FAT3: variants seen among roughly 807,000 people sequenced by gnomAD.
FAT3 encodes the protein FAT atypical cadherin 3.
In FAT3, 95 loss-of-function variants were observed where a neutral mutation model predicts 310.2. The ratio of observed to expected loss-of-function variants is 0.31; its 90% confidence interval spans 0.26 to 0.36. FAT3 has a LOEUF of 0.36. Ranked by LOEUF, FAT3 falls within the 10% of genes least tolerant of loss-of-function variation. The pLI, the probability that FAT3 is intolerant of heterozygous loss-of-function variation, is 1.00. For synonymous variants in FAT3, 2,314 were observed against 2,192.9 expected (o/e 1.06, Z -1.54); for missense variants, 5,408 against 5,715.6 (o/e 0.95, Z 1.74).
At chr11:92,538,136 G>C (rs1954320906) in intron 3 of FAT3, among the ~76,000 whole-genome samples, 1 of 152,062 alleles carries the variant, frequency 6.6e-6, no homozygotes, top group African/African-American at 2.4e-5. Flanking sequence ...GATATTTGCT[G>C]GTTTAAATGT....
At chr11:92,236,895 C>A (rs1001915094) in intron 1 of FAT3, among the ~76,000 whole-genome samples, 1 of 152,054 alleles carries the variant, frequency 6.6e-6, no homozygotes, top group Non-Finnish European at 1.5e-5. Flanking sequence ...TTGTTTTAGG[C>A]CTTTATTTCT....
chr11:92,692,121 A>T (rs1367766027), intron 3 of FAT3, among the ~76,000 whole-genome samples: 1 of 152,162 alleles, frequency 6.6e-6, no homozygotes, highest in Non-Finnish European at 1.5e-5. Flanking sequence ...CTGCTGAAAA[A>T]AATTTTTAAA....
chr11:92,423,657 A>G (rs1950574192), intron 2 of FAT3, among the ~76,000 whole-genome samples: 1 of 152,076 alleles, frequency 6.6e-6, no homozygotes, highest in Admixed American at 6.6e-5. Flanking sequence ...GTATCTACCT[A>G]TATCTGAATC....
chr11:92,883,423 C>A lies in FAT3; in HGVS notation c.12937+30C>A, dbSNP rs535451751. ...GTAGGAAGTGGTAATGCTCACCCCT[C>A]GGTGCTTACAGGGAACCTGCAGGGG... On this transcript the variant is annotated intron_variant, in intron 24 of 27. Transcript: ENST00000525166. The surrounding 1 kb of genome is among the most constrained non-coding windows in gnomAD (Gnocchi z 4.2). 1 of 1,570,294 alleles carries A rather than the reference C, an allele frequency of 6.4e-7. No individual in the cohort carries two copies. The highest frequency in any genetic ancestry group is 2.4e-4 in the Middle Eastern group (1 of 4,218).
At chr11:92,615,654 G>C (rs1940767691) in intron 3 of FAT3, among the ~76,000 whole-genome samples, 1 of 152,152 alleles carries the variant, frequency 6.6e-6, no homozygotes, top group Non-Finnish European at 1.5e-5. Context: ...TTAAATGTGT[G>C]CCAGAGATTC....
Position 92,743,769 on chromosome 11 carries a change from A to G in FAT3, c.3670-18087A>G, listed in dbSNP as rs538137121. ...ATGATTGGATCATGAGGGCTCTGCT[A>G]TGAATGGATTTATTGGGTTAATAGA... On this transcript the variant is annotated intron_variant, in intron 4 of 27. Coordinates refer to ENST00000525166, the MANE Select transcript of FAT3 (RefSeq NM_001367949.2). Among the ~76,000 whole-genome samples the G allele has an allele frequency of 7.8e-4, 119 of 152,352 alleles. 3 individuals carry two copies. In the South Asian group the frequency reaches 0.024, roughly 31 times the overall value.
intron 1 of FAT3, among the ~76,000 whole-genome samples, chr11:92,340,618 A>G (rs1948227578): frequency 1.3e-5 from 2 of 152,190 alleles, no homozygotes; most frequent in African/African-American, 4.8e-5. Context: ...CATTTCAAGG[A>G]TACAACATGT....
intron 3 of FAT3, among the ~76,000 whole-genome samples, chr11:92,614,998 T>C (rs570608704): frequency 7.2e-5 from 11 of 152,342 alleles, no homozygotes; most frequent in African/African-American, 2.6e-4. Flanking sequence ...TCTTAGCACC[T>C]TTGTTGAAAT....
chr11:92,526,809 A>C (rs1267437085), intron 3 of FAT3, among the ~76,000 whole-genome samples: 2 of 152,200 alleles, frequency 1.3e-5, no homozygotes, highest in African/African-American at 4.8e-5. Flanking sequence ...CATTTTTGCC[A>C]GGAATGACAT....
intron 1 of FAT3, among the ~76,000 whole-genome samples, chr11:92,260,908 T>G (rs1453433199): frequency 6.6e-6 from 1 of 152,020 alleles, no homozygotes; most frequent in Non-Finnish European, 1.5e-5. Flanking sequence ...GTAAAAAAAC[T>G]TAAGTGTGGG....
chr11:92,857,892 T>A (rs1299716399), intron 20 of FAT3, among the ~76,000 whole-genome samples: 1 of 152,118 alleles, frequency 6.6e-6, no homozygotes, highest in African/African-American at 2.4e-5. Flanking sequence ...GAAAAAAAAA[T>A]CAGTATTTAA....
At chr11:92,549,007 A>G (rs190322249) in intron 3 of FAT3, among the ~76,000 whole-genome samples, 2 of 152,312 alleles carry the variant, frequency 1.3e-5, no homozygotes, top group East Asian at 3.9e-4. Context: ...TAAAAGCAGA[A>G]AACCTGGCTA....
At chr11:92,482,677 A>T (rs1344822255) in intron 2 of FAT3, among the ~76,000 whole-genome samples, 1 of 152,012 alleles carries the variant, frequency 6.6e-6, no homozygotes, top group Non-Finnish European at 1.5e-5. Context: ...GCAGCCCAAT[A>T]CAGTAACCTC....
chr11:92,723,463 C>T (rs1944919077), intron 4 of FAT3, among the ~76,000 whole-genome samples: 1 of 152,168 alleles, frequency 6.6e-6, no homozygotes, highest in Non-Finnish European at 1.5e-5. Context: ...CCCATATTTT[C>T]CTGTCTTCTT....
At chr11:92,726,904 A>G (rs1309228603) in intron 4 of FAT3, among the ~76,000 whole-genome samples, 1 of 152,106 alleles carries the variant, frequency 6.6e-6, no homozygotes, top group African/African-American at 2.4e-5. Context: ...ACAGGACACT[A>G]TCACATTTAC....
At chr11:92,812,247 C>G (rs1452163989) in intron 13 of FAT3, among the ~76,000 whole-genome samples, 1 of 152,108 alleles carries the variant, frequency 6.6e-6, no homozygotes, top group African/African-American at 2.4e-5. Context: ...TATCTTGGAG[C>G]CAAACTGAAC....
chr11:92,542,553 A>C (rs942244199), intron 3 of FAT3, among the ~76,000 whole-genome samples: 2 of 152,102 alleles, frequency 1.3e-5, no homozygotes, highest in Non-Finnish European at 2.9e-5. Context: ...ATTTCTCCAA[A>C]GAAGACATAC....
intron 3 of FAT3, among the ~76,000 whole-genome samples, chr11:92,647,675 A>C (rs1942214958): frequency 6.6e-6 from 1 of 152,166 alleles, no homozygotes; most frequent in Admixed American, 6.5e-5. Context: ...AGTAAGATAC[A>C]TTTCCTACTT....
chr11:92,462,057 G>A (rs1033466366), intron 2 of FAT3, among the ~76,000 whole-genome samples: 4 of 152,084 alleles, frequency 2.6e-5, no homozygotes, highest in Non-Finnish European at 5.9e-5. Flanking sequence ...TTTTTTTGTG[G>A]TATACATTTT....
Sources: allele counts gnomAD v4.1 joint callset (sites outside exome capture counted in the v4.1 genomes callset), GRCh38; gene constraint gnomAD v4.1.1; non-coding constraint Gnocchi (gnomAD v3.1); transcripts MANE v1.5; gene names NCBI Gene and HGNC (gene_info 2026-07-23, HGNC 2026-07-21).